Variants in TFAP2D observed in about 807,000 individuals in gnomAD.
TFAP2D encodes transcription factor AP-2 delta, also known as transcription factor AP-2-delta.
A neutral mutation model predicts 43.6 loss-of-function variants in TFAP2D; 9 were observed. The observed-to-expected ratio is 0.21, with a 90% CI of 0.12 to 0.36. TFAP2D has a LOEUF of 0.36. Ranked by LOEUF, TFAP2D falls within the 10% of genes least tolerant of loss-of-function variation. The pLI is 1.00. For missense variants in TFAP2D, 513 were observed against 561.4 expected, an observed-to-expected ratio of 0.91 and a Z score of 0.87; for synonymous variants, 256 against 224.9, an observed-to-expected ratio of 1.14 and a Z score of -1.24.
intron 7 of TFAP2D, among the ~76,000 whole-genome samples, chr6:50,760,085 A>C (rs1261101330): frequency 6.6e-6 from 1 of 152,050 alleles, no homozygotes; most frequent in Non-Finnish European, 1.5e-5. Context: ...TGGCATACCA[A>C]AGACTCCCAG....
At chr6:50,723,611 T>C (rs565823980) in intron 3 of TFAP2D, among the ~76,000 whole-genome samples, 1 of 152,180 alleles carries the variant, frequency 6.6e-6, no homozygotes, top group Non-Finnish European at 1.5e-5. Context: ...TTCTGCAGGT[T>C]TGAAATTCAA....
chr6:50,759,918 G>A (rs907511642), intron 7 of TFAP2D, among the ~76,000 whole-genome samples: 3 of 151,986 alleles, frequency 2.0e-5, no homozygotes, highest in African/African-American at 7.2e-5. Flanking sequence ...ATCTGACAGA[G>A]ATTCAGGGTA....
chr6:50,726,393 G>T (rs960813568), intron 3 of TFAP2D, among the ~76,000 whole-genome samples: 1 of 152,088 alleles, frequency 6.6e-6, no homozygotes, highest in Non-Finnish European at 1.5e-5. Flanking sequence ...ATACTCAAAC[G>T]CTCTGTTCTC....
At chr6:50,746,251 G>GTTTT (rs1292392036) in intron 6 of TFAP2D, among the ~76,000 whole-genome samples, 17 of 151,746 alleles carry the variant, frequency 1.1e-4, no homozygotes, top group African/African-American at 3.9e-4. Flanking sequence ...TTGTTTGTTT[G>GTTTT]TTTGAGACAG....
At chr6:50,724,772 G>T (rs1314643469) in intron 3 of TFAP2D, among the ~76,000 whole-genome samples, 1 of 152,090 alleles carries the variant, frequency 6.6e-6, no homozygotes, top group Non-Finnish European at 1.5e-5. Flanking sequence ...GGGTGTGTGT[G>T]TGTGTGTGTC....
At chr6:50,732,371 A>G (rs934048158) in intron 5 of TFAP2D, among the ~76,000 whole-genome samples, 2 of 152,070 alleles carry the variant, frequency 1.3e-5, no homozygotes, top group African/African-American at 2.4e-5. Flanking sequence ...TGAAATTGTT[A>G]TAGAGTAGTC....
intron 5 of TFAP2D, among the ~76,000 whole-genome samples, chr6:50,731,221 G>A (rs1471623586): frequency 6.6e-6 from 1 of 152,092 alleles, no homozygotes; most frequent in Non-Finnish European, 1.5e-5. Context: ...TCTGCTCAGA[G>A]ATAGCTATCA....
chr6:50,714,133 G>A lies in TFAP2D; in HGVS notation c.39+39G>A, dbSNP rs766411518. The stretch of plus-strand genomic sequence containing the variant: ...TTTTTTTTTTTTTTTTTGAGCGCGC[G>A]TGTGTGTGGCGGCGGCGGCGGTGGC... On this transcript the variant is annotated intron_variant, in intron 1 of 7. Transcript: ENST00000008391. 2.6e-6 allele frequency: 4 copies of A among 1,565,964 alleles called. No homozygotes were observed. In the South Asian group the frequency reaches 4.7e-5, roughly 18 times the overall value.
chr6:50,721,136 G>T (rs1335628918), intron 3 of TFAP2D, among the ~76,000 whole-genome samples: 1 of 152,140 alleles, frequency 6.6e-6, no homozygotes, highest in Non-Finnish European at 1.5e-5. Flanking sequence ...ATCTTCCTTA[G>T]GTGATGCTTT....
At chr6:50,735,719 C>T (rs2114042874) in intron 5 of TFAP2D, among the ~76,000 whole-genome samples, 1 of 152,256 alleles carries the variant, frequency 6.6e-6, no homozygotes, top group Admixed American at 6.5e-5. Flanking sequence ...GGTGGTATTT[C>T]CCTTCTACCT....
chr6:50,716,313 C>A (rs1768627018), intron 2 of TFAP2D, among the ~76,000 whole-genome samples: 1 of 152,168 alleles, frequency 6.6e-6, no homozygotes, highest in Non-Finnish European at 1.5e-5. Flanking sequence ...CACTCAAAAC[C>A]GCAGCCCAGT....
At chr6:50,732,283 T>C (rs1169572279) in intron 5 of TFAP2D, among the ~76,000 whole-genome samples, 1 of 152,116 alleles carries the variant, frequency 6.6e-6, no homozygotes, top group Non-Finnish European at 1.5e-5. Context: ...CTGGATTTTC[T>C]ATATTAACTT....
Position 50,718,993 on chromosome 6 carries a change from CAG to C in TFAP2D, c.538-94_538-93del, listed in dbSNP as rs2114029153. 3 of 1,154,236 alleles carry C rather than the reference CAG, an allele frequency of 2.6e-6. No individual in the cohort carries two copies. The South Asian group carries it at 4.3e-5, about 17-fold the overall frequency. The allele number at this position is 1,154,236 out of a possible 1,614,324, so 71.5% of individuals were successfully genotyped here. On this transcript the variant is annotated intron_variant, in intron 2 of 7. Transcript: ENST00000008391. The stretch of plus-strand genomic sequence containing the variant: ...GCTTGCTTTCAAATGTCTACTGAAA[CAG>C]AGTTCAGGGATGGGCTAGTCTAAAA...
intron 7 of TFAP2D, among the ~76,000 whole-genome samples, chr6:50,768,272 TC>T (rs1769472599): frequency 7.2e-6 from 1 of 139,220 alleles, no homozygotes; most frequent in Non-Finnish European, 1.6e-5. Flanking sequence ...TTTCTAATTT[TC>T]TTTTTTTTTT....
At chr6:50,737,017 G>A (rs546848605) in intron 5 of TFAP2D, among the ~76,000 whole-genome samples, 10 of 151,858 alleles carry the variant, frequency 6.6e-5, no homozygotes, top group Admixed American at 1.3e-4. Context: ...TAAGAGCTCC[G>A]TTGTCCAGAC....
At chr6:50,742,103 T>C (rs1769053863) in intron 5 of TFAP2D, among the ~76,000 whole-genome samples, 1 of 152,136 alleles carries the variant, frequency 6.6e-6, no homozygotes, top group Admixed American at 6.6e-5. Context: ...AGATTTGTCA[T>C]TGTTTCTGAA....
chr6:50,738,861 A>G (rs1447120405), intron 5 of TFAP2D, among the ~76,000 whole-genome samples: 1 of 152,162 alleles, frequency 6.6e-6, no homozygotes, highest in African/African-American at 2.4e-5. Context: ...AGGCTCTTAT[A>G]GTTTCATATT....
intron 3 of TFAP2D, among the ~76,000 whole-genome samples, chr6:50,720,252 G>C (rs1768696657): frequency 6.6e-6 from 1 of 152,140 alleles, no homozygotes. Flanking sequence ...CTTCTTGAAA[G>C]ATTTGCTTTT....
rs762728199 is a variant in TFAP2D, at chr6:50,715,596, G to A, written c.520G>A (p.Gly174Arg). ...GCCCAGCCTGGGGCTGGCCGCCGCG[G>A]GAGCAGACGACTTGCAGGTAAATAA... ...PGPSLGLAAA[G>R]ADDLQGSVEA... is the part of the protein sequence containing the mutation. The change falls in exon 2 of 8, where the codon GGA becomes AGA. Residue 174 changes from glycine (G) to arginine (R), a missense_variant. Transcript: ENST00000008391. 3.1e-6 allele frequency: 5 copies of A among 1,595,460 alleles called. No homozygotes were observed. Among genetic ancestry groups the A allele is most frequent in the African/African-American group, 1.3e-5 (1 of 74,444 alleles).
Sources: allele counts gnomAD v4.1 joint callset (sites outside exome capture counted in the v4.1 genomes callset), GRCh38; gene constraint gnomAD v4.1.1; transcripts MANE v1.5; gene names NCBI Gene and HGNC (gene_info 2026-07-23, HGNC 2026-07-21).